NUP37: variants seen among roughly 807,000 people sequenced by gnomAD.
The protein encoded by NUP37 is nucleoporin Nup37.
NUP37 carries 33 observed loss-of-function variants against 45.4 expected under a neutral mutation model. The ratio of observed to expected loss-of-function variants is 0.73; its 90% CI spans 0.55 to 0.97. The LOEUF is 0.97. Among genes scored for constraint, NUP37 ranks in the 50% least tolerant of loss-of-function variants. NUP37 has a pLI of 0.00. For synonymous variants in NUP37, 127 were observed against 130.7 expected, an observed-to-expected ratio of 0.97 and a Z score of 0.19; for missense variants, 365 against 389.7, an observed-to-expected ratio of 0.94 and a Z score of 0.53.
chr12:102,113,290 C>T (rs1444510256), intron 2 of NUP37, among the ~76,000 whole-genome samples: 1 of 151,950 alleles, frequency 6.6e-6, no homozygotes, highest in Non-Finnish European at 1.5e-5. Flanking sequence ...ATCCAGGGCC[C>T]GATTAAGGGG....
chr12:102,106,040 A>T (rs575381322), intron 3 of NUP37, among the ~76,000 whole-genome samples: 1 of 152,256 alleles, frequency 6.6e-6, no homozygotes, highest in East Asian at 1.9e-4. Flanking sequence ...ATGAACACAA[A>T]AAAGGATAAA....
chr12:102,081,491 C>T (rs1003171411), intron 6 of NUP37, among the ~76,000 whole-genome samples: 14 of 152,172 alleles, frequency 9.2e-5, no homozygotes, highest in East Asian at 1.9e-4. Flanking sequence ...AGAACATTGT[C>T]GTATTTGAAC....
Position 102,075,002 on chromosome 12 carries a change from T to C in NUP37, c.866A>G (p.Gln289Arg). 2 of 1,594,764 alleles carry C rather than the reference T, an allele frequency of 1.3e-6. No homozygotes were observed. The highest frequency in any genetic ancestry group is 1.7e-6 in the Non-Finnish European group (2 of 1,167,682). ...TGTTACAAAACATTTCCACATTACC[T>C]GAGGGTGTCCTAAATGATGAATTTG... ...QFQIHHLGHPQPILMGSVAVG... is the reference protein window; with the variant it reads ...QFQIHHLGHPRPILMGSVAVG... Residue 289 changes from glutamine to arginine, a missense_variant and splice_region_variant, in exon 9 of 10, where the codon CAG (glutamine) becomes CGG (arginine). By Grantham distance (43) the Gln-to-Arg change is conservative (BLOSUM62 1). Coordinates refer to ENST00000552283, the MANE Select transcript of NUP37 (RefSeq NM_024057.4).
chr12:102,114,224 A>G (rs1490196006), intron 2 of NUP37, among the ~76,000 whole-genome samples: 1 of 152,220 alleles, frequency 6.6e-6, no homozygotes, highest in African/African-American at 2.4e-5. Flanking sequence ...TCAGTCTCCT[A>G]AAAATGAAGT....
intron 6 of NUP37, among the ~76,000 whole-genome samples, chr12:102,080,192 G>A (rs1879293979): frequency 1.3e-5 from 2 of 152,072 alleles, no homozygotes; most frequent in East Asian, 1.9e-4. Flanking sequence ...GTACAAAAAG[G>A]AATTATTTCA....
intron 5 of NUP37, among the ~76,000 whole-genome samples, chr12:102,091,106 C>T (rs1320461959): frequency 2.0e-5 from 3 of 152,118 alleles, no homozygotes; most frequent in African/African-American, 4.8e-5. Context: ...GCTTTAAAAG[C>T]TCACAGCCGG....
intron 3 of NUP37, among the ~76,000 whole-genome samples, chr12:102,110,562 G>C (rs998421936): frequency 1.3e-5 from 2 of 151,762 alleles, no homozygotes; most frequent in East Asian, 3.9e-4. Flanking sequence ...TTGGAGAATA[G>C]GCCAGGTATG....
intron 8 of NUP37, among the ~76,000 whole-genome samples, chr12:102,075,589 T>C (rs1879144615): frequency 1.3e-5 from 2 of 152,320 alleles, no homozygotes; most frequent in South Asian, 4.1e-4. Context: ...CCATAAATAT[T>C]TTCTCATACT....
chr12:102,111,988 C>T, intron 3 of NUP37, 120 bp downstream of exon 3: 1 of 896,722 alleles, frequency 1.1e-6, no homozygotes, highest in Non-Finnish European at 1.7e-6. Context: ...ATCAAAATAT[C>T]TAATATCTTG....
At chr12:102,111,660 T>C (rs1363243311) in intron 3 of NUP37, among the ~76,000 whole-genome samples, 1 of 152,216 alleles carries the variant, frequency 6.6e-6, no homozygotes, top group Non-Finnish European at 1.5e-5. Context: ...ATCATTCCTT[T>C]TAAACACTTT....
chr12:102,118,236 T>A, intron 2 of NUP37, 127 bp downstream of exon 2: 1 of 932,640 alleles, frequency 1.1e-6, no homozygotes, highest in Admixed American at 2.6e-5. Context: ...TCTTTCTCTA[T>A]GGATCTTATC....
At chr12:102,102,380 T>C (rs1879997761) in intron 3 of NUP37, among the ~76,000 whole-genome samples, 1 of 152,182 alleles carries the variant, frequency 6.6e-6, no homozygotes. Flanking sequence ...AAAATTAAAG[T>C]TGTAGTGGAA....
intron 5 of NUP37, among the ~76,000 whole-genome samples, chr12:102,087,042 A>G (rs532943752): frequency 3.3e-5 from 5 of 152,282 alleles, no homozygotes; most frequent in Middle Eastern, 3.4e-3. Context: ...GGAGGCTACA[A>G]TGTGCCACGT....
Position 102,081,296 on chromosome 12 carries a change from CTG to C in NUP37, c.541-3795_541-3794del, listed in dbSNP as rs370656191. The stretch of plus-strand genomic sequence containing the variant: ...TTTTTGTTATTTACTGTCTGTATAA[CTG>C]TGCTCAATTATGACAAATCTTTTTT... On this transcript the variant is annotated intron_variant, in intron 6 of 9. Coordinates refer to ENST00000552283, the MANE Select transcript of NUP37 (RefSeq NM_024057.4). 3.7e-4 allele frequency among the ~76,000 whole-genome samples: 57 copies of C among 152,306 alleles called. 1 individual carries two copies. Among genetic ancestry groups the C allele is most frequent in the Admixed American group, 3.3e-3 (50 of 15,302 alleles).
chr12:102,088,210 T>A (rs1373461849), intron 5 of NUP37, among the ~76,000 whole-genome samples: 1 of 152,220 alleles, frequency 6.6e-6, no homozygotes, highest in African/African-American at 2.4e-5. Context: ...TAAGTCTTAT[T>A]TTCCTTTTTG....
At chr12:102,105,052 C>A (rs965880803) in intron 3 of NUP37, among the ~76,000 whole-genome samples, 1 of 152,278 alleles carries the variant, frequency 6.6e-6, no homozygotes, top group African/African-American at 2.4e-5. Context: ...ACTATGAAAT[C>A]TTTCAATCCA....
intron 5 of NUP37, among the ~76,000 whole-genome samples, chr12:102,088,864 C>T (rs907073095): frequency 4.3e-4 from 66 of 151,892 alleles, no homozygotes; most frequent in African/African-American, 1.6e-3. Context: ...TGCGGCCTTC[C>T]GCAGTGTTTG....
chr12:102,086,343 AC>A (rs1879471782), intron 5 of NUP37, among the ~76,000 whole-genome samples: 1 of 152,196 alleles, frequency 6.6e-6, no homozygotes, highest in Admixed American at 6.5e-5. Context: ...ATTTAGCAAC[AC>A]GGCCATCTTC....
chr12:102,094,852 T>C (rs921258144), intron 5 of NUP37, among the ~76,000 whole-genome samples: 1 of 152,132 alleles, frequency 6.6e-6, no homozygotes, highest in Non-Finnish European at 1.5e-5. Flanking sequence ...TGGCACATTA[T>C]ATGCACACCT....
Sources: allele counts gnomAD v4.1 joint callset (sites outside exome capture counted in the v4.1 genomes callset), GRCh38; gene constraint gnomAD v4.1.1; transcripts MANE v1.5; gene names NCBI Gene and HGNC (gene_info 2026-07-23, HGNC 2026-07-21).